NMB: variants seen among roughly 807,000 people sequenced by gnomAD.
NMB encodes neuromedin-B.
In NMB, 12 loss-of-function variants were observed where a neutral mutation model predicts 11.7. The ratio of observed to expected loss-of-function variants is 1.03; its 90% CI spans 0.66 to 1.66. NMB has a LOEUF of 1.66. Among genes scored for constraint, NMB ranks in the 40% most tolerant of loss-of-function variants. The probability of loss-of-function intolerance (pLI) is 0.00; values close to 1 mark genes in which losing one functional copy is unlikely to be tolerated. For missense variants in NMB, 174 were observed against 157.9 expected (o/e 1.10, Z -0.55); for synonymous variants, 76 against 72.6 (o/e 1.05, Z -0.24).
chr15:84,658,065 C>CT lies in NMB; in HGVS notation c.87_88insA (p.Asp30ArgfsTer58). 1 of 1,587,050 alleles carries CT rather than the reference C, an allele frequency of 6.3e-7. No homozygotes were observed. The highest frequency in any genetic ancestry group is 1.1e-5 in the South Asian group (1 of 89,332). On this transcript the variant is annotated frameshift_variant, in exon 1 of 3. Coordinates refer to ENST00000360476, the MANE Select transcript of NMB (RefSeq NM_021077.4). LOFTEE classifies it high-confidence loss of function. ...GCTCGGCTGCGGGGCTCCGGGAGAT[C>CT]CCAGCTGAGCGGGGCGACGCCGGCA...
chr15:84,655,790 A>T (rs1896771492), intron 2 of NMB, among the ~76,000 whole-genome samples: 1 of 152,180 alleles, frequency 6.6e-6, no homozygotes, highest in Non-Finnish European at 1.5e-5. Context: ...TCAGAGCTTC[A>T]AAACCAAGGG....
Position 84,658,093 on chromosome 15 carries a change from G to T in NMB, c.60C>A (p.Leu20=). 1.3e-6 allele frequency: 2 copies of T among 1,578,588 alleles called. No homozygotes were observed. The highest frequency in any genetic ancestry group is 1.7e-6 in the Non-Finnish European group (2 of 1,167,982). Residue 20 remains leucine (L), a synonymous_variant, in exon 1 of 3, where the codon CTC becomes CTA. Transcript: ENST00000360476. ...MFGSLLLFAL[L]AAGVAPLSWD... ...AGCTGAGCGGGGCGACGCCGGCAGCGAGCAGGGCGAAGAGCAGGAGGCTGC... is the reference window on the plus strand; with the variant it reads ...AGCTGAGCGGGGCGACGCCGGCAGCTAGCAGGGCGAAGAGCAGGAGGCTGC...
In NMB at chr15:84,658,058, G is replaced by A. The variant is rs1253344565; in HGVS notation, c.95C>T (p.Pro32Leu). The change falls in exon 1 of 3, where the codon CCG becomes CTG. Residue 32 changes from proline to leucine, a missense_variant. Pro to Leu is a moderately conservative substitution (Grantham distance 98). Around this residue, in one of 2 missense-constraint regions of NMB, gnomAD observed 168 missense variants for 138.4 expected, o/e 1.21. Transcript: ENST00000360476. Reference protein sequence around the residue: ...AGVAPLSWDLPEPRSRASKIR... With the variant: ...AGVAPLSWDLLEPRSRASKIR... ...CTTGCTGGCTCGGCTGCGGGGCTCC[G>A]GGAGATCCCAGCTGAGCGGGGCGAC... 1 of 1,590,356 alleles carries A rather than the reference G, an allele frequency of 6.3e-7. No homozygotes were observed.
intron 2 of NMB, among the ~76,000 whole-genome samples, chr15:84,656,742 T>G (rs1238632043): frequency 6.6e-6 from 1 of 151,970 alleles, no homozygotes; most frequent in African/African-American, 2.4e-5. Context: ...TCTTTCCCTC[T>G]CTGGGCCTCA....
chr15:84,655,326 G>C lies in NMB; in HGVS notation c.*48C>G. On this transcript the variant is annotated 3_prime_UTR_variant, in exon 3 of 3. Coordinates refer to ENST00000360476, the MANE Select transcript of NMB (RefSeq NM_021077.4). ...AGGGTCCCATTCAGCACCTTCCCTG[G>C]GTGGGCACAATCTAAGCCACGCTGT... The C allele has an allele frequency of 6.2e-7, 1 of 1,614,074 alleles. No homozygotes were observed. Among genetic ancestry groups the C allele is most frequent in the South Asian group, 1.1e-5 (1 of 91,082 alleles).
rs1181923625 is a variant in NMB at position 84,655,207 on chromosome 15, C to T, written c.*167G>A. The T allele has an allele frequency of 2.9e-5, 44 of 1,516,158 alleles. No homozygotes were observed. The highest frequency in any genetic ancestry group is 3.7e-5 in the Non-Finnish European group (42 of 1,122,160). The allele number at this position is 1,516,158 out of a possible 1,614,324, so 93.9% of individuals were successfully genotyped here. ...ACAGCAGGAACATAATCTGTGTCTGCATCAGCGATATTTCTGGTGACCCAG... is the reference window on the plus strand; with the variant it reads ...ACAGCAGGAACATAATCTGTGTCTGTATCAGCGATATTTCTGGTGACCCAG... On this transcript the variant is annotated 3_prime_UTR_variant, in exon 3 of 3. Coordinates refer to ENST00000360476, the MANE Select transcript of NMB (RefSeq NM_021077.4).
In NMB at chr15:84,655,348, C is replaced by G; in HGVS notation, c.*26G>C. 1.2e-6 allele frequency: 2 copies of G among 1,614,226 alleles called. No homozygotes were observed. Among genetic ancestry groups the G allele is most frequent in the Non-Finnish European group, 1.7e-6 (2 of 1,180,032 alleles). On this transcript the variant is annotated 3_prime_UTR_variant, in exon 3 of 3. Transcript: ENST00000360476. ...CTGGGTGGGCACAATCTAAGCCACG[C>G]TGTTGTGTCTGCCCCATTATTGGTG...
chr15:84,656,020 G>A (rs997006610), intron 2 of NMB, among the ~76,000 whole-genome samples: 1 of 152,080 alleles, frequency 6.6e-6, no homozygotes, highest in Non-Finnish European at 1.5e-5. Context: ...AACAGGTGCC[G>A]CCAGGGAGCT....
At position 84,655,391 on chromosome 15, in the gene NMB, G is replaced by T. The variant is rs754987997; in HGVS notation, c.349C>A (p.Gln117Lys). Residue 117 changes from glutamine to lysine, a missense_variant, in exon 3 of 3, where the codon CAA (glutamine) becomes AAA (lysine). Around this residue, in one of 2 missense-constraint regions of NMB, gnomAD observed 6 missense variants for 19.5 expected, o/e 0.31. Transcript: ENST00000360476. ...PQIQYRRLLV[Q>K]ILQK ...TATTGGTGTCATTTCTGCAGTATTT[G>T]TACCAGCAGCCTCCTGTACTGAAGA... 3.1e-6 allele frequency: 5 copies of T among 1,614,128 alleles called. No individual in the cohort carries two copies. The South Asian group carries it at 4.4e-5, about 14-fold the overall frequency.
rs541973377 is a variant in NMB at position 84,655,403 on chromosome 15, T to G, written c.337A>C (p.Arg113=). 3.1e-6 allele frequency: 5 copies of G among 1,613,988 alleles called. No homozygotes were observed. The highest frequency in any genetic ancestry group is 4.2e-6 in the Non-Finnish European group (5 of 1,180,014). The part of the protein sequence containing the change: ...SRPAPQIQYR[R]LLVQILQK ...TTCTGCAGTATTTGTACCAGCAGCC[T>G]CCTGTACTGAAGAGAAACATACAGA... is the stretch of plus-strand genomic sequence containing the variant. Residue 113 remains arginine (R), a synonymous_variant, in exon 3 of 3, where the codon AGG becomes CGG. Coordinates refer to ENST00000360476, the MANE Select transcript of NMB (RefSeq NM_021077.4).
chr15:84,657,921 G>C, intron 1 of NMB, 75 bp downstream of exon 1: 1 of 1,483,318 alleles, frequency 6.7e-7, no homozygotes, highest in Admixed American at 2.3e-5. Flanking sequence ...GCTGAGGAGC[G>C]GCCAGAGGGT....
chr15:84,657,221 C>G lies in NMB; in HGVS notation c.285G>C (p.Lys95Asn). 4.3e-6 allele frequency: 7 copies of G among 1,612,846 alleles called. No homozygotes were observed. Among genetic ancestry groups the G allele is most frequent in the Non-Finnish European group, 5.9e-6 (7 of 1,179,550 alleles). Residue 95 changes from lysine (K) to asparagine (N), a missense_variant, in exon 2 of 3, where the codon AAG (lysine) becomes AAC (asparagine). By Grantham distance (94) the Lys-to-Asn change is moderately conservative. Transcript: ENST00000360476. ...SHDLLGILLL[K>N]KALGVSLSRP... ...GGCTGAGGCTCACGCCCAGAGCCTTCTTTAGCAGGAGGATTCCGAGCAGAT... is the reference window on the plus strand; with the variant it reads ...GGCTGAGGCTCACGCCCAGAGCCTTGTTTAGCAGGAGGATTCCGAGCAGAT...
At chr15:84,657,379 T>C (rs1896797408) in intron 1 of NMB, 31 bp from the exon 2 acceptor site, 1 of 1,451,442 alleles carries the variant, frequency 6.9e-7, no homozygotes, top group Non-Finnish European at 9.1e-7. Context: ...CACAAGGAAG[T>C]CAAGCAGCCA....
At chr15:84,656,458 A>G (rs1896783876) in intron 2 of NMB, among the ~76,000 whole-genome samples, 2 of 151,098 alleles carry the variant, frequency 1.3e-5, no homozygotes, top group South Asian at 4.2e-4. Flanking sequence ...CCTCTCCCCC[A>G]GCAGACATCT....
rs1184999528 is a variant in NMB at position 84,655,215 on chromosome 15, A to T, written c.*159T>A. ...AACATAATCTGTGTCTGCATCAGCG[A>T]TATTTCTGGTGACCCAGCCAGAAAT... On this transcript the variant is annotated 3_prime_UTR_variant, in exon 3 of 3. Transcript: ENST00000360476. 2.0e-6 allele frequency: 3 copies of T among 1,533,488 alleles called. No individual in the cohort carries two copies. The highest frequency in any genetic ancestry group is 2.6e-6 in the Non-Finnish European group (3 of 1,137,024). The allele number at this position is 1,533,488 out of a possible 1,614,324, so 95.0% of individuals were successfully genotyped here. A position where few individuals can be genotyped will look rare whatever the true frequency, so the allele number is the denominator to read the frequency against.
At chr15:84,657,857 A>C in intron 1 of NMB, 139 bp downstream of exon 1, 2 of 1,002,418 alleles carry the variant, frequency 2.0e-6, no homozygotes, top group African/African-American at 1.7e-5. Flanking sequence ...GTACATATCT[A>C]TTAAATTAGA....
chr15:84,656,097 G>A (rs1323219021), intron 2 of NMB, among the ~76,000 whole-genome samples: 1 of 152,186 alleles, frequency 6.6e-6, no homozygotes, highest in Non-Finnish European at 1.5e-5. Context: ...CTGAGCATTT[G>A]ACATAAATGG....
At position 84,655,423 on chromosome 15, in the gene NMB, T is replaced by C. The variant is rs771444688; in HGVS notation, c.331-14A>G. On this transcript the variant is annotated splice_polypyrimidine_tract_variant and intron_variant, in intron 2 of 2. Transcript: ENST00000360476. Reference sequence around the variant, plus strand: ...CAGCCTCCTGTACTGAAGAGAAACATACAGAAGAATTGAGCCAGGGAGGGG... The same window carrying C: ...CAGCCTCCTGTACTGAAGAGAAACACACAGAAGAATTGAGCCAGGGAGGGG... 2 of 1,613,466 alleles carry C rather than the reference T, an allele frequency of 1.2e-6. No homozygotes were observed. The highest frequency in any genetic ancestry group is 1.7e-6 in the Non-Finnish European group (2 of 1,179,908).
chr15:84,657,689 T>C (rs971409850), intron 1 of NMB, among the ~76,000 whole-genome samples: 1 of 152,006 alleles, frequency 6.6e-6, no homozygotes, highest in Admixed American at 6.6e-5. Context: ...GCCTGGAAAG[T>C]GGAGGTGCAG....
Sources: allele counts gnomAD v4.1 joint callset (sites outside exome capture counted in the v4.1 genomes callset), GRCh38; gene constraint gnomAD v4.1.1; regional missense constraint gnomAD v4.1.1; transcripts MANE v1.5; gene names NCBI Gene and HGNC (gene_info 2026-07-23, HGNC 2026-07-21).